The following HS3ST5 variants were observed in gnomAD, a reference collection of about 807,000 sequenced individuals.
The protein encoded by HS3ST5 is heparan sulfate glucosamine 3-O-sulfotransferase 5.
A neutral mutation model predicts 25.4 loss-of-function variants in HS3ST5; 10 were observed. The ratio of observed to expected loss-of-function variants is 0.39; its 90% CI spans 0.24 to 0.67. HS3ST5 has a LOEUF of 0.67. Ranked by LOEUF, HS3ST5 falls within the 30% of genes least tolerant of loss-of-function variation. HS3ST5 has a pLI of 0.44. For synonymous variants in HS3ST5, 170 were observed against 162.4 expected, an observed-to-expected ratio of 1.05 and a Z score of -0.36; for missense variants, 324 against 420.7, an observed-to-expected ratio of 0.77 and a Z score of 2.01.
chr6:114,281,515 T>C (rs954373631), intron 1 of HS3ST5, among the ~76,000 whole-genome samples: 3 of 152,022 alleles, frequency 2.0e-5, no homozygotes, highest in African/African-American at 7.2e-5. Context: ...TCCAAGCCTA[T>C]TTTCCAATCA....
chr6:114,222,388 C>T (rs1435898491), intron 2 of HS3ST5, among the ~76,000 whole-genome samples: 1 of 151,712 alleles, frequency 6.6e-6, no homozygotes, highest in Non-Finnish European at 1.5e-5. Context: ...TAGTTATTAA[C>T]CAAATGCTTG....
chr6:114,272,232 C>T (rs555644527), intron 1 of HS3ST5, among the ~76,000 whole-genome samples: 61 of 152,054 alleles, frequency 4.0e-4, no homozygotes, highest in South Asian at 2.1e-4. Context: ...ATTTGGTAGA[C>T]GATATGTTGT....
chr6:114,294,960 A>C (rs928229496), intron 1 of HS3ST5, among the ~76,000 whole-genome samples: 4 of 152,212 alleles, frequency 2.6e-5, no homozygotes, highest in African/African-American at 9.6e-5. Flanking sequence ...CTCTTATTGA[A>C]TGGAGCTTAA....
intron 2 of HS3ST5, among the ~76,000 whole-genome samples, chr6:114,217,226 T>C (rs1781813488): frequency 6.6e-6 from 1 of 152,186 alleles, no homozygotes; most frequent in Non-Finnish European, 1.5e-5. Flanking sequence ...ACCATGCCCA[T>C]ATGGCCAAAT....
chr6:114,278,577 C>G (rs1285639034), intron 1 of HS3ST5, among the ~76,000 whole-genome samples: 1 of 107,244 alleles, frequency 9.3e-6, no homozygotes, highest in Non-Finnish European at 2.2e-5. Flanking sequence ...GGACCATGAA[C>G]TCATAATAAA....
intron 1 of HS3ST5, among the ~76,000 whole-genome samples, chr6:114,297,333 A>G (rs190556862): frequency 6.6e-6 from 1 of 152,280 alleles, no homozygotes; most frequent in Admixed American, 6.5e-5. Context: ...CACAAGCAAG[A>G]GAATCTGCTG....
chr6:114,305,894 G>T (rs1357543738), intron 1 of HS3ST5, among the ~76,000 whole-genome samples: 1 of 151,922 alleles, frequency 6.6e-6, no homozygotes, highest in Non-Finnish European at 1.5e-5. Context: ...AGATTTCAGG[G>T]GTCCATGGAC....
chr6:114,112,302 A>AGCATGGAG (rs1776308077), intron 3 of HS3ST5: 1 of 152,416 alleles, frequency 6.6e-6, no homozygotes, highest in South Asian at 2.1e-4. Flanking sequence ...AGGAGGGAGA[A>AGCATGGAG]GCAGAGGTAT....
At chr6:114,179,546 A>G (rs1313889952) in intron 2 of HS3ST5, among the ~76,000 whole-genome samples, 1 of 151,866 alleles carries the variant, frequency 6.6e-6, no homozygotes, top group Non-Finnish European at 1.5e-5. Context: ...TTTACTTACT[A>G]TGCTAAATAC....
chr6:114,297,283 C>T (rs1289035353), intron 1 of HS3ST5, among the ~76,000 whole-genome samples: 2 of 152,094 alleles, frequency 1.3e-5, no homozygotes, highest in Non-Finnish European at 2.9e-5. Context: ...TGATTTCTGC[C>T]TTCACAGGGC....
chr6:114,283,569 T>C (rs1476166400), intron 1 of HS3ST5, among the ~76,000 whole-genome samples: 1 of 151,732 alleles, frequency 6.6e-6, no homozygotes, highest in African/African-American at 2.4e-5. Context: ...TAAATAAAAA[T>C]GTTTTGGAAG....
In HS3ST5 at chr6:114,237,752, A is replaced by T. The variant is rs77624668; in HGVS notation, c.-338-8974T>A. 2.7e-4 allele frequency among the ~76,000 whole-genome samples: 41 copies of T among 152,342 alleles called. No individual in the cohort carries two copies. In the East Asian group the frequency reaches 6.8e-3, roughly 25 times the overall value. On this transcript the variant is annotated intron_variant, in intron 1 of 4. Transcript: ENST00000312719. ...CAGAAACAGGCAAAGTTTGTTCATT[A>T]ATCTGGATTCTCATTTAGAATCTAA... is the stretch of plus-strand genomic sequence containing the variant.
chr6:114,220,581 A>AG (rs1443795809), intron 2 of HS3ST5: 1 of 152,050 alleles, frequency 6.6e-6, no homozygotes, highest in Non-Finnish European at 1.5e-5. Context: ...TCATTGAAAA[A>AG]TAATACAGTT....
intron 2 of HS3ST5, among the ~76,000 whole-genome samples, chr6:114,222,151 C>A (rs1197745400): frequency 6.6e-6 from 1 of 151,918 alleles, no homozygotes; most frequent in Non-Finnish European, 1.5e-5. Flanking sequence ...AGTATAGGAT[C>A]CGATCTCACG....
At position 114,072,243 on chromosome 6, in the gene HS3ST5, C is replaced by T. The variant is rs140590141; in HGVS notation, c.-32-9366G>A. Among the ~76,000 whole-genome samples, 786 of 152,096 alleles carry T rather than the reference C, an allele frequency of 5.2e-3. 9 individuals are homozygous for T. The highest frequency in any genetic ancestry group is 0.014 in the African/African-American group (576 of 41,466). On this transcript the variant is annotated intron_variant, in intron 3 of 4. Transcript: ENST00000312719. ...TTTGGCAAAGTGGTGACAAAAAATA[C>T]TCTTAAGAGATTCTTGTCTCCTCAT...
chr6:114,111,793 G>A (rs1486311974), intron 3 of HS3ST5, among the ~76,000 whole-genome samples: 1 of 152,050 alleles, frequency 6.6e-6, no homozygotes, highest in Admixed American at 6.6e-5. Context: ...GGGTTTTTCA[G>A]TTTCAAAACT....
intron 1 of HS3ST5, among the ~76,000 whole-genome samples, chr6:114,254,861 A>G (rs781136395): frequency 2.0e-5 from 3 of 152,170 alleles, no homozygotes; most frequent in African/African-American, 4.8e-5. Context: ...AAAACATTGG[A>G]ATTAGGGGAG....
At chr6:114,327,503 T>C (rs1327961043) in intron 1 of HS3ST5, among the ~76,000 whole-genome samples, 1 of 152,236 alleles carries the variant, frequency 6.6e-6, no homozygotes, top group African/African-American at 2.4e-5. Context: ...TTTATGAATA[T>C]AGCATTTATA....
At chr6:114,237,825 G>A (rs774483059) in intron 1 of HS3ST5, among the ~76,000 whole-genome samples, 1 of 152,126 alleles carries the variant, frequency 6.6e-6, no homozygotes, top group Non-Finnish European at 1.5e-5. Flanking sequence ...TGAAAACCAC[G>A]ATACCTTTTG....
Sources: gnomAD v4.1 joint callset for allele counts (sites outside exome capture counted in the v4.1 genomes callset) on GRCh38, gnomAD v4.1.1 for gene constraint, MANE v1.5 for transcripts, NCBI Gene and HGNC (gene_info 2026-07-23, HGNC 2026-07-21) for gene names.